PRKG1: variants seen among roughly 807,000 people sequenced by gnomAD.
PRKG1 encodes protein kinase cGMP-dependent 1.
A neutral mutation model predicts 88.1 loss-of-function variants in PRKG1; 35 were observed. The observed-to-expected ratio is 0.40, with a 90% CI of 0.30 to 0.53. The LOEUF (loss-of-function observed/expected upper bound fraction) is 0.53. Among genes scored for constraint, PRKG1 ranks in the 20% least tolerant of loss-of-function variants. The probability of loss-of-function intolerance (pLI) is 0.59; values close to 1 mark genes in which losing one functional copy is unlikely to be tolerated. For missense variants in PRKG1, 540 were observed against 839.8 expected (o/e 0.64, Z 4.41); for synonymous variants, 303 against 292.5 (o/e 1.04, Z -0.37).
At chr10:51,375,368 T>C (rs1842796106) in intron 2 of PRKG1, among the ~76,000 whole-genome samples, 1 of 151,938 alleles carries the variant, frequency 6.6e-6, no homozygotes, top group African/African-American at 2.4e-5. Flanking sequence ...TTAGATGCTA[T>C]GACAGAATGA....
At chr10:51,931,269 C>T (rs1291983322) in intron 5 of PRKG1, among the ~76,000 whole-genome samples, 4 of 152,090 alleles carry the variant, frequency 2.6e-5, no homozygotes, top group African/African-American at 9.7e-5. Flanking sequence ...AATTCAACAT[C>T]TCAAAATACA....
At chr10:51,482,321 G>T (rs550028296) in intron 3 of PRKG1, among the ~76,000 whole-genome samples, 17 of 152,244 alleles carry the variant, frequency 1.1e-4, no homozygotes, top group African/African-American at 4.1e-4. Flanking sequence ...CTGATATGCA[G>T]TATTAAATAG....
chr10:51,777,867 G>A (rs941921299), intron 3 of PRKG1, among the ~76,000 whole-genome samples: 5 of 152,074 alleles, frequency 3.3e-5, no homozygotes, highest in Non-Finnish European at 7.4e-5. Flanking sequence ...ATAGTACATA[G>A]CCTTTTCAGA....
chr10:51,648,502 CTCTT>C (rs1839967257), intron 3 of PRKG1, among the ~76,000 whole-genome samples: 2 of 152,092 alleles, frequency 1.3e-5, no homozygotes, highest in African/African-American at 2.4e-5. Context: ...TTTATTCTCT[CTCTT>C]TTTTTAAACT....
intron 4 of PRKG1, among the ~76,000 whole-genome samples, chr10:51,837,814 C>G (rs112040028): frequency 6.6e-6 from 1 of 152,170 alleles, no homozygotes; most frequent in African/African-American, 2.4e-5. Flanking sequence ...AGAGCAAATA[C>G]TGATTAGATG....
At chr10:51,396,262 G>A (rs73332448) in intron 2 of PRKG1, among the ~76,000 whole-genome samples, 2,912 of 152,152 alleles carry the variant, frequency 0.019, 88 homozygotes, top group African/African-American at 0.066. Flanking sequence ...TTAACTGGGC[G>A]TGGTGACATG....
intron 3 of PRKG1, among the ~76,000 whole-genome samples, chr10:51,540,762 C>T (rs570237634): frequency 1.3e-5 from 2 of 152,172 alleles, no homozygotes; most frequent in African/African-American, 4.8e-5. Flanking sequence ...CTCTGTCACC[C>T]AGGCTGGAGT....
At chr10:52,122,647 C>A (rs1028250447) in intron 7 of PRKG1, among the ~76,000 whole-genome samples, 4 of 152,172 alleles carry the variant, frequency 2.6e-5, no homozygotes, top group Admixed American at 2.6e-4. Flanking sequence ...GGGTGACATT[C>A]TTTAAATTTG....
chr10:52,260,116 C>G (rs1204321909), intron 10 of PRKG1, among the ~76,000 whole-genome samples: 1 of 151,950 alleles, frequency 6.6e-6, no homozygotes, highest in Non-Finnish European at 1.5e-5. Context: ...ACCCTCATTC[C>G]CATTCCCCCA....
At chr10:51,968,694 G>A (rs1053098169) in intron 5 of PRKG1, among the ~76,000 whole-genome samples, 8 of 151,468 alleles carry the variant, frequency 5.3e-5, no homozygotes, top group Non-Finnish European at 1.2e-4. Context: ...GTGGTGGCAG[G>A]TGCTTATAAT....
chr10:52,276,214 G>C (rs948595210), intron 12 of PRKG1, among the ~76,000 whole-genome samples: 1 of 152,090 alleles, frequency 6.6e-6, no homozygotes, highest in Admixed American at 6.6e-5. Context: ...AGGACTTCCA[G>C]TACTGCGTTG....
At chr10:52,066,190 T>A (rs549509022) in intron 7 of PRKG1, among the ~76,000 whole-genome samples, 112 of 152,320 alleles carry the variant, frequency 7.4e-4, no homozygotes, top group Non-Finnish European at 1.3e-3. Context: ...TCAGCCATGA[T>A]TTTACATTGT....
chr10:52,285,476 GA>G (rs1326891876), intron 14 of PRKG1, among the ~76,000 whole-genome samples: 3 of 152,098 alleles, frequency 2.0e-5, no homozygotes, highest in African/African-American at 7.2e-5. Flanking sequence ...ATGGCAGAAT[GA>G]AAAGCTGGAA....
At chr10:51,887,455 C>G (rs1431065520) in intron 4 of PRKG1, among the ~76,000 whole-genome samples, 1 of 141,298 alleles carries the variant, frequency 7.1e-6, no homozygotes, top group African/African-American at 2.6e-5. Context: ...CTGTATCATA[C>G]AGTAGTTCTA....
intron 3 of PRKG1, among the ~76,000 whole-genome samples, chr10:51,650,361 A>G (rs1305918584): frequency 2.0e-5 from 3 of 152,178 alleles, no homozygotes; most frequent in Non-Finnish European, 4.4e-5. Flanking sequence ...CCTTGATAAG[A>G]GTCCCTTTCC....
intron 2 of PRKG1, among the ~76,000 whole-genome samples, chr10:51,290,684 C>T (rs1053178893): frequency 6.6e-6 from 1 of 152,012 alleles, no homozygotes; most frequent in Admixed American, 6.6e-5. Flanking sequence ...CTCCTTAGGC[C>T]ACCCCACCCC....
chr10:51,218,550 T>A (rs1838438216), intron 2 of PRKG1, among the ~76,000 whole-genome samples: 1 of 144,378 alleles, frequency 6.9e-6, no homozygotes, highest in Non-Finnish European at 1.5e-5. Flanking sequence ...GTATTTGGCA[T>A]TTATATATAT....
At chr10:52,208,994 T>C (rs1839888337) in intron 9 of PRKG1, among the ~76,000 whole-genome samples, 1 of 152,240 alleles carries the variant, frequency 6.6e-6, no homozygotes, top group Non-Finnish European at 1.5e-5. Context: ...ATATTTTTAA[T>C]AATGTAGAAA....
intron 5 of PRKG1, among the ~76,000 whole-genome samples, chr10:51,952,452 A>G (rs1053365656): frequency 2.6e-5 from 4 of 152,326 alleles, no homozygotes; most frequent in African/African-American, 9.6e-5. Context: ...GGACAATACA[A>G]TATGATTGAC....
Sources: gnomAD v4.1 joint callset for allele counts (sites outside exome capture counted in the v4.1 genomes callset) on GRCh38, gnomAD v4.1.1 for gene constraint, MANE v1.5 for transcripts, NCBI Gene and HGNC (gene_info 2026-07-23, HGNC 2026-07-21) for gene names.